SH3D19: variants seen among roughly 807,000 people sequenced by gnomAD.
SH3D19 encodes SH3 domain-containing protein 19.
SH3D19 carries 58 observed loss-of-function variants against 112.1 expected under a neutral mutation model. The ratio of observed to expected loss-of-function variants is 0.52; its 90% CI spans 0.42 to 0.64. SH3D19 has a LOEUF of 0.64. SH3D19 is among the 30% of genes least tolerant of loss of function. SH3D19 has a pLI of 0.00. For synonymous variants in SH3D19, 391 were observed against 448.5 expected (o/e 0.87, Z 1.62); for missense variants, 1,090 against 1,263.4 (o/e 0.86, Z 2.08).
At chr4:151,163,709 T>A (rs973922264) in intron 8 of SH3D19, among the ~76,000 whole-genome samples, 1 of 152,064 alleles carries the variant, frequency 6.6e-6, no homozygotes, top group African/African-American at 2.4e-5. Flanking sequence ...GCCTCCCAAG[T>A]AGCTGGGATT....
At chr4:151,184,467 A>T (rs1761427859) in intron 3 of SH3D19, among the ~76,000 whole-genome samples, 1 of 152,206 alleles carries the variant, frequency 6.6e-6, no homozygotes, top group Non-Finnish European at 1.5e-5. Context: ...TCAGGAATAC[A>T]AGTATTTCTT....
At chr4:151,273,333 G>C (rs1010556791) in intron 1 of SH3D19, among the ~76,000 whole-genome samples, 2 of 152,224 alleles carry the variant, frequency 1.3e-5, no homozygotes, top group Non-Finnish European at 2.9e-5. Flanking sequence ...GCTCACACCT[G>C]TAATCCCAGC....
At chr4:151,269,710 A>G (rs954526157) in intron 1 of SH3D19, among the ~76,000 whole-genome samples, 1 of 152,176 alleles carries the variant, frequency 6.6e-6, no homozygotes, top group Admixed American at 6.5e-5. Flanking sequence ...CTCTCCTAAT[A>G]ACACTTAGCT....
intron 2 of SH3D19, among the ~76,000 whole-genome samples, chr4:151,194,218 G>C (rs1763073315): frequency 6.7e-6 from 1 of 149,168 alleles, no homozygotes; most frequent in Admixed American, 6.7e-5. Context: ...AGTAGAGATG[G>C]GGTCTCACCA....
intron 1 of SH3D19, among the ~76,000 whole-genome samples, chr4:151,324,804 A>T (rs1185153536): frequency 6.6e-6 from 1 of 151,850 alleles, no homozygotes; most frequent in Non-Finnish European, 1.5e-5. Flanking sequence ...ACAGGTCCGA[A>T]GTGCAAGGGA....
rs74436733 is a variant in SH3D19 at position 151,149,116 on chromosome 4, C to T, written c.1817+384G>A. On this transcript the variant is annotated intron_variant, in intron 10 of 19. Transcript: ENST00000604030. ...TTACAGCCCTTTATTTGAATAGCTC[C>T]GGAACTCAGAAGGCAGTCACCTCTG... is the stretch of plus-strand genomic sequence containing the variant. Among the ~76,000 whole-genome samples the T allele has an allele frequency of 1.8e-3, 272 of 152,166 alleles. 11 individuals carry two copies. In the East Asian group the frequency reaches 0.037, roughly 21 times the overall value.
chr4:151,226,372 T>C (rs1487531476), intron 1 of SH3D19: 2 of 1,077,098 alleles, frequency 1.9e-6, no homozygotes, highest in Non-Finnish European at 2.2e-6. Context: ...CTAAATACTT[T>C]GCTAACACTA....
chr4:151,148,288 C>CA, intron 10 of SH3D19, 102 bp from the exon 11 acceptor site: 1 of 824,296 alleles, frequency 1.2e-6, no homozygotes, highest in Non-Finnish European at 1.8e-6. Context: ...CACACACACA[C>CA]AGAGACACAG....
chr4:151,170,146 C>T (rs1758799091), intron 7 of SH3D19, among the ~76,000 whole-genome samples: 1 of 152,052 alleles, frequency 6.6e-6, no homozygotes, highest in Non-Finnish European at 1.5e-5. Flanking sequence ...TTGGCATGCC[C>T]AAAGGCACAG....
intron 1 of SH3D19, among the ~76,000 whole-genome samples, chr4:151,313,998 C>T (rs932046615): frequency 1.3e-5 from 2 of 152,184 alleles, no homozygotes; most frequent in Non-Finnish European, 2.9e-5. Context: ...CTTCTGAGCC[C>T]TTTGTTCTTG....
chr4:151,270,582 T>C (rs1381303791), intron 1 of SH3D19, among the ~76,000 whole-genome samples: 4 of 151,926 alleles, frequency 2.6e-5, no homozygotes, highest in African/African-American at 9.7e-5. Context: ...ATGTACTGTA[T>C]GTAATTGTAT....
intron 1 of SH3D19, chr4:151,282,521 C>A (rs916800189): frequency 3.7e-6 from 4 of 1,079,128 alleles, no homozygotes; most frequent in African/African-American, 3.2e-5. Context: ...TCAACAAAAC[C>A]AGATCAATCT....
At chr4:151,199,574 C>A (rs1409480831) in intron 2 of SH3D19, among the ~76,000 whole-genome samples, 2 of 152,158 alleles carry the variant, frequency 1.3e-5, no homozygotes, top group Non-Finnish European at 2.9e-5. Context: ...AACTCGCCTG[C>A]TGCACAGGGG....
chr4:151,159,554 T>C (rs894490517), intron 8 of SH3D19, among the ~76,000 whole-genome samples: 2 of 152,198 alleles, frequency 1.3e-5, no homozygotes, highest in African/African-American at 4.8e-5. Context: ...TATGTTTTTA[T>C]AGAGAGTGAA....
At position 151,175,328 on chromosome 4, in the gene SH3D19, A is replaced by G; in HGVS notation, c.876T>C (p.Ser292=). ...NIMNTEQSQN[S]IVSRIKVFEG... ...CAAACACTTTAATTCTGGAAACAAT[A>G]CTATTTTGGCTTTGTTCTGTGTTCA... Residue 292 remains serine (S), a synonymous_variant, in exon 7 of 20, where the codon AGT becomes AGC. Transcript: ENST00000604030. 1 of 1,613,576 alleles carries G rather than the reference A, an allele frequency of 6.2e-7. No individual in the cohort carries two copies. Among genetic ancestry groups the G allele is most frequent in the Non-Finnish European group, 8.5e-7 (1 of 1,179,796 alleles).
chr4:151,125,931 T>C (rs573922174), intron 19 of SH3D19, among the ~76,000 whole-genome samples: 1 of 47,270 alleles, frequency 2.1e-5, no homozygotes, highest in Admixed American at 2.6e-4. Flanking sequence ...GAAATGACAT[T>C]TAATACAAAA....
chr4:151,276,453 C>T (rs767131607), intron 1 of SH3D19, among the ~76,000 whole-genome samples: 1 of 152,072 alleles, frequency 6.6e-6, no homozygotes, highest in African/African-American at 2.4e-5. Context: ...GTAATGCCCC[C>T]TCCTAGGAGG....
chr4:151,174,151 C>T (rs1236695587), intron 7 of SH3D19, among the ~76,000 whole-genome samples: 1 of 152,206 alleles, frequency 6.6e-6, no homozygotes, highest in Non-Finnish European at 1.5e-5. Flanking sequence ...TTCGAGTCCT[C>T]CCCTGGAGCT....
Position 151,277,088 on chromosome 4 carries a change from T to C in SH3D19, c.112+48153A>G, listed in dbSNP as rs548438726. 1.9e-5 allele frequency: 20 copies of C among 1,043,868 alleles called. No homozygotes were observed. In the Middle Eastern group the frequency reaches 6.7e-4, roughly 35 times the overall value. The allele number at this position is 1,043,868 out of a possible 1,614,324, so 64.7% of individuals were successfully genotyped here. A position where few individuals can be genotyped will look rare whatever the true frequency, so the allele number is the denominator to read the frequency against. ...GCAGAGGAATCCATCTAGGAGAAGCTAGTTCTGGCAGCTCCCCATTGGCCT... is the reference window on the plus strand; with the variant it reads ...GCAGAGGAATCCATCTAGGAGAAGCCAGTTCTGGCAGCTCCCCATTGGCCT... On this transcript the variant is annotated intron_variant, in intron 1 of 19. Transcript: ENST00000604030.
Sources: gnomAD v4.1 joint callset for allele counts (sites outside exome capture counted in the v4.1 genomes callset) on GRCh38, gnomAD v4.1.1 for gene constraint, MANE v1.5 for transcripts, NCBI Gene and HGNC (gene_info 2026-07-23, HGNC 2026-07-21) for gene names.